Variants in PRKAR2B observed in about 807,000 individuals in gnomAD.
The protein encoded by PRKAR2B is cAMP-dependent protein kinase type II-beta regulatory subunit.
Under a neutral mutation model 49.9 loss-of-function variants are expected in PRKAR2B, and 14 were observed. The observed-to-expected ratio is 0.28, with a 90% CI of 0.19 to 0.44. The LOEUF is 0.44. Ranked by LOEUF, PRKAR2B falls within the 20% of genes least tolerant of loss-of-function variation. PRKAR2B has a pLI of 1.00. For synonymous variants in PRKAR2B, 196 were observed against 197.7 expected (o/e 0.99, Z 0.07); for missense variants, 393 against 537.9 (o/e 0.73, Z 2.67).
At chr7:107,143,936 T>C (rs573646799) in intron 5 of PRKAR2B, among the ~76,000 whole-genome samples, 3 of 152,242 alleles carry the variant, frequency 2.0e-5, no homozygotes, top group African/African-American at 7.2e-5. Context: ...TCCCAAGAAT[T>C]TTGGATGAGG....
intron 6 of PRKAR2B, among the ~76,000 whole-genome samples, chr7:107,150,149 T>A (rs1584454695): frequency 1.3e-5 from 2 of 152,240 alleles, no homozygotes; most frequent in East Asian, 3.8e-4. Flanking sequence ...AGAATTAAAA[T>A]ATTTTATGAG....
chr7:107,126,420 C>CCAAAAAAAAAAAAAAAAAAAAAAAAAAA (rs1795493991), intron 3 of PRKAR2B, among the ~76,000 whole-genome samples: 1 of 38,392 alleles, frequency 2.6e-5, no homozygotes, highest in Non-Finnish European at 5.2e-5. Context: ...GAATCTGTCT[C>CCAAAAAAAAAAAAAAAAAAAAAAAAAAA]AAAAAAAAAA....
chr7:107,104,874 C>G (rs1795044493), intron 2 of PRKAR2B, among the ~76,000 whole-genome samples: 1 of 152,064 alleles, frequency 6.6e-6, no homozygotes, highest in Admixed American at 6.6e-5. Context: ...GAATTAGGAG[C>G]TATTGGAGCT....
intron 3 of PRKAR2B, among the ~76,000 whole-genome samples, chr7:107,126,367 G>A (rs142311978): frequency 0.017 from 2,424 of 144,256 alleles, 30 homozygotes; most frequent in Middle Eastern, 0.042. Flanking sequence ...ATTGCAGTGA[G>A]CTGAGATCGC....
intron 2 of PRKAR2B, among the ~76,000 whole-genome samples, chr7:107,088,878 G>C (rs997044062): frequency 6.6e-6 from 1 of 152,136 alleles, no homozygotes; most frequent in African/African-American, 2.4e-5. Context: ...GGGATTACAG[G>C]CATGAGCCAC....
chr7:107,109,245 GT>G (rs1795130301), intron 2 of PRKAR2B, among the ~76,000 whole-genome samples: 1 of 151,788 alleles, frequency 6.6e-6, no homozygotes, highest in Non-Finnish European at 1.5e-5. Flanking sequence ...CTACATCATA[GT>G]TTTTGTTTTT....
rs959740091 is a variant in PRKAR2B, at chr7:107,161,713, T to G, written c.*2131T>G. ...TCATGTGTGGGAGAAATAATTGTGG[T>G]GTGTTGCAGATTTATTTGGCCATTT... is the stretch of plus-strand genomic sequence containing the variant. On this transcript the variant is annotated 3_prime_UTR_variant, in exon 11 of 11. Transcript: ENST00000265717. 1 of 152,166 alleles carries G rather than the reference T, an allele frequency of 6.6e-6. No individual in the cohort carries two copies. The highest frequency in any genetic ancestry group is 1.5e-5 in the Non-Finnish European group (1 of 68,024). The allele number at this position is 152,166 out of a possible 1,614,324, so 9.4% of individuals were successfully genotyped here. A position where few individuals can be genotyped will look rare whatever the true frequency, so the allele number is the denominator to read the frequency against.
chr7:107,050,921 C>G (rs951288683), intron 1 of PRKAR2B, among the ~76,000 whole-genome samples: 2 of 152,116 alleles, frequency 1.3e-5, no homozygotes, highest in African/African-American at 2.4e-5. Flanking sequence ...GTCTTGAACT[C>G]CTGGCTTCAA....
At chr7:107,053,388 T>C (rs1793846849) in intron 1 of PRKAR2B, among the ~76,000 whole-genome samples, 1 of 152,182 alleles carries the variant, frequency 6.6e-6, no homozygotes, top group Non-Finnish European at 1.5e-5. Context: ...TATAGCCTTA[T>C]ACACTGTTTT....
chr7:107,156,532 T>G (rs257372), intron 8 of PRKAR2B, among the ~76,000 whole-genome samples: 24,258 of 152,072 alleles, frequency 0.16, 2,133 homozygotes, highest in Middle Eastern at 0.21. Context: ...AGGGCCGGGC[T>G]CGGTGGCTCA....
chr7:107,089,580 G>C (rs1794681576), intron 2 of PRKAR2B, among the ~76,000 whole-genome samples: 1 of 152,162 alleles, frequency 6.6e-6, no homozygotes, highest in African/African-American at 2.4e-5. Context: ...ATAAAATTTT[G>C]ATAGTTAAAA....
chr7:107,098,805 A>G (rs1395385517), intron 2 of PRKAR2B, among the ~76,000 whole-genome samples: 1 of 152,194 alleles, frequency 6.6e-6, no homozygotes, highest in Admixed American at 6.5e-5. Context: ...TTTCCTGGGT[A>G]TCACCAGCAG....
intron 4 of PRKAR2B, among the ~76,000 whole-genome samples, chr7:107,129,781 C>CT (rs1795570468): frequency 2.0e-5 from 3 of 152,154 alleles, no homozygotes; most frequent in Admixed American, 1.3e-4. Context: ...CATGCCTCCC[C>CT]TTTTTAGATC....
At chr7:107,097,050 A>G (rs1584426128) in intron 2 of PRKAR2B, among the ~76,000 whole-genome samples, 6 of 152,262 alleles carry the variant, frequency 3.9e-5, no homozygotes, top group East Asian at 1.9e-4. Flanking sequence ...GCTGAGTTCA[A>G]TTCCTGGATA....
intron 1 of PRKAR2B, among the ~76,000 whole-genome samples, chr7:107,052,405 T>G (rs1015210785): frequency 1.3e-5 from 2 of 152,076 alleles, no homozygotes; most frequent in Non-Finnish European, 2.9e-5. Context: ...GCAACAGAGG[T>G]ATACTCTGTC....
At chr7:107,055,493 A>G (rs1347768594) in intron 1 of PRKAR2B, among the ~76,000 whole-genome samples, 1 of 152,076 alleles carries the variant, frequency 6.6e-6, no homozygotes, top group African/African-American at 2.4e-5. Flanking sequence ...TGACTTTTTA[A>G]TGATCGCCAT....
At position 107,104,285 on chromosome 7, in the gene PRKAR2B, T is replaced by C. The variant is rs551698074; in HGVS notation, c.344-17667T>C. On this transcript the variant is annotated intron_variant, in intron 2 of 10. Coordinates refer to ENST00000265717, the MANE Select transcript of PRKAR2B (RefSeq NM_002736.3). ...CCTGAGCTCAGGCAGTTCACCTGCCTCTGCCTCCCAAAGTGCTGGGATTAC... is the reference window on the plus strand; with the variant it reads ...CCTGAGCTCAGGCAGTTCACCTGCCCCTGCCTCCCAAAGTGCTGGGATTAC... Among the ~76,000 whole-genome samples, 3 of 152,328 alleles carry C rather than the reference T, an allele frequency of 2.0e-5. No individual in the cohort carries two copies. The South Asian group carries it at 6.2e-4, about 32-fold the overall frequency.
At chr7:107,085,892 A>G (rs1794610429) in intron 2 of PRKAR2B, among the ~76,000 whole-genome samples, 1 of 152,206 alleles carries the variant, frequency 6.6e-6, no homozygotes, top group Admixed American at 6.5e-5. Flanking sequence ...GTACATCTAC[A>G]GGATATATTT....
intron 2 of PRKAR2B, among the ~76,000 whole-genome samples, chr7:107,096,091 T>C (rs897717138): frequency 2.2e-4 from 33 of 152,232 alleles, no homozygotes; most frequent in Non-Finnish European, 3.2e-4. Flanking sequence ...CCAGCTCCTC[T>C]TTGTACCTCT....
Sources: allele counts gnomAD v4.1 joint callset (sites outside exome capture counted in the v4.1 genomes callset), GRCh38; gene constraint gnomAD v4.1.1; transcripts MANE v1.5; gene names NCBI Gene and HGNC (gene_info 2026-07-23, HGNC 2026-07-21).